IL1RAPL1: variants seen among roughly 807,000 people sequenced by gnomAD.
The protein encoded by IL1RAPL1 is interleukin-1 receptor accessory protein-like 1.
A neutral mutation model predicts 48.4 loss-of-function variants in IL1RAPL1; 3 were observed. The ratio of observed to expected loss-of-function variants is 0.06; its 90% confidence interval spans 0.03 to 0.16. IL1RAPL1 has a LOEUF of 0.16. Among genes scored for constraint, IL1RAPL1 ranks in the 10% least tolerant of loss-of-function variants. The pLI is 1.00. For missense variants in IL1RAPL1, 349 were observed against 530.6 expected (o/e 0.66, Z 3.36); for synonymous variants, 185 against 187.7 (o/e 0.99, Z 0.12).
intron 6 of IL1RAPL1, among the ~76,000 whole-genome samples, chrX:29,906,463 AT>A (rs1286932898): frequency 0.029 from 6 of 209 alleles, no homozygotes; most frequent in African/African-American, 0.13. Flanking sequence ...CTTTGTAAAT[AT>A]ATATATATAT....
intron 5 of IL1RAPL1, among the ~76,000 whole-genome samples, chrX:29,534,812 C>A (rs1054370597): frequency 1.8e-5 from 2 of 109,475 alleles, no homozygotes; most frequent in South Asian, 7.9e-4. Flanking sequence ...ACTAAAAATA[C>A]AAAAAAATTA....
At chrX:29,827,399 A>G (rs908800008) in intron 6 of IL1RAPL1, among the ~76,000 whole-genome samples, 1 of 112,567 alleles carries the variant, frequency 8.9e-6, no homozygotes, top group African/African-American at 3.2e-5. Context: ...AAATTTTTTA[A>G]CAACAGATAC....
intron 5 of IL1RAPL1, among the ~76,000 whole-genome samples, chrX:29,489,840 G>A (rs1008265567): frequency 9.0e-6 from 1 of 111,644 alleles, no homozygotes; most frequent in African/African-American, 3.3e-5. Flanking sequence ...TTAGGCCAAT[G>A]GTTTCTTATA....
At chrX:29,660,825 G>T (rs756830810) in intron 5 of IL1RAPL1, among the ~76,000 whole-genome samples, 2 of 111,863 alleles carry the variant, frequency 1.8e-5, no homozygotes, top group Non-Finnish European at 3.8e-5. Context: ...GCTCTATTTC[G>T]TTCCATATGA....
intron 2 of IL1RAPL1, among the ~76,000 whole-genome samples, chrX:28,874,158 T>C (rs1569190627): frequency 9.0e-6 from 1 of 111,418 alleles, no homozygotes; most frequent in East Asian, 2.8e-4. Flanking sequence ...CACGTAACAA[T>C]AAGTGGTTGA....
At position 29,740,397 on chromosome X, in the gene IL1RAPL1, C is replaced by T. The variant is rs770261446; in HGVS notation, c.778+71893C>T. ...TATCCAAGTGGATGTCCCACTACCCCTTCCAATTCAATTTGCCTAAAACCA... is the reference window on the plus strand; with the variant it reads ...TATCCAAGTGGATGTCCCACTACCCTTTCCAATTCAATTTGCCTAAAACCA... On this transcript the variant is annotated intron_variant, in intron 6 of 10. Transcript: ENST00000378993. Among the ~76,000 whole-genome samples the T allele has an allele frequency of 8.4e-4, 94 of 111,759 alleles. 1 individual carries two copies. Among genetic ancestry groups the T allele is most frequent in the Non-Finnish European group, 1.3e-3 (69 of 53,179 alleles).
intron 5 of IL1RAPL1, among the ~76,000 whole-genome samples, chrX:29,509,687 GCA>G (rs34490752): frequency 9.1e-6 from 1 of 109,481 alleles, no homozygotes; most frequent in East Asian, 2.8e-4. Context: ...GCGCCCACAC[GCA>G]CACACACACA....
At chrX:29,016,928 G>A (rs2147399074) in intron 2 of IL1RAPL1, among the ~76,000 whole-genome samples, 1 of 111,150 alleles carries the variant, frequency 9.0e-6, no homozygotes, top group East Asian at 2.8e-4. Context: ...TTTTCCTAGA[G>A]TAATATGTTC....
chrX:29,659,716 C>T (rs1925785422), intron 5 of IL1RAPL1, among the ~76,000 whole-genome samples: 1 of 111,650 alleles, frequency 9.0e-6, no homozygotes, highest in Non-Finnish European at 1.9e-5. Context: ...CCTCCGCCTT[C>T]CGGGTTCAAG....
intron 5 of IL1RAPL1, among the ~76,000 whole-genome samples, chrX:29,648,482 A>G (rs1277114647): frequency 8.9e-6 from 1 of 111,923 alleles, no homozygotes; most frequent in African/African-American, 3.2e-5. Context: ...AAATAACAGG[A>G]GGAACTTTGG....
At chrX:29,215,177 G>T (rs1930842920) in intron 2 of IL1RAPL1, among the ~76,000 whole-genome samples, 1 of 109,824 alleles carries the variant, frequency 9.1e-6, no homozygotes, top group African/African-American at 3.3e-5. Context: ...GCGAAACCCC[G>T]TCTCTACTAA....
At chrX:29,148,715 T>C (rs989158925) in intron 2 of IL1RAPL1, among the ~76,000 whole-genome samples, 1 of 111,604 alleles carries the variant, frequency 9.0e-6, no homozygotes, top group African/African-American at 3.3e-5. Context: ...ATCTTTGGAG[T>C]TATCAACCTC....
chrX:29,044,708 C>T (rs986114083), intron 2 of IL1RAPL1, among the ~76,000 whole-genome samples: 3 of 110,115 alleles, frequency 2.7e-5, no homozygotes, highest in Non-Finnish European at 5.7e-5. Flanking sequence ...GCTAGGTGGG[C>T]GGCATTTGGT....
chrX:29,333,677 C>T (rs1295630662), intron 3 of IL1RAPL1, among the ~76,000 whole-genome samples: 1 of 82,555 alleles, frequency 1.2e-5, no homozygotes, highest in Non-Finnish European at 2.4e-5. Context: ...CGCCCCTCAC[C>T]TCCCGGACTG....
At chrX:29,261,017 A>G (rs1300885979) in intron 2 of IL1RAPL1, among the ~76,000 whole-genome samples, 3 of 108,404 alleles carry the variant, frequency 2.8e-5, no homozygotes, top group Non-Finnish European at 5.7e-5. Context: ...TATAATAAAT[A>G]TAGTATAACT....
At chrX:28,979,763 G>A (rs1925285988) in intron 2 of IL1RAPL1, among the ~76,000 whole-genome samples, 1 of 112,012 alleles carries the variant, frequency 8.9e-6, no homozygotes, top group Admixed American at 9.5e-5. Context: ...TGTGATGGTT[G>A]TTTTTTGTTT....
At chrX:29,214,696 AAG>A (rs1160478496) in intron 2 of IL1RAPL1, among the ~76,000 whole-genome samples, 1 of 111,669 alleles carries the variant, frequency 9.0e-6, no homozygotes, top group Non-Finnish European at 1.9e-5. Context: ...AAGGAAGATA[AAG>A]AGAGAAAATC....
intron 1 of IL1RAPL1, among the ~76,000 whole-genome samples, chrX:28,723,516 C>G (rs1159332148): frequency 4.5e-5 from 5 of 111,362 alleles, no homozygotes; most frequent in Admixed American, 9.6e-5. Context: ...AGCAGTCTAT[C>G]AATTTTGTTG....
intron 2 of IL1RAPL1, among the ~76,000 whole-genome samples, chrX:29,101,909 C>T (rs1358794362): frequency 9.0e-6 from 1 of 111,344 alleles, no homozygotes; most frequent in Admixed American, 9.5e-5. Flanking sequence ...TGCACTCCAG[C>T]CTGGGCAACA....
Sources: gnomAD v4.1 joint callset for allele counts (sites outside exome capture counted in the v4.1 genomes callset) on GRCh38, gnomAD v4.1.1 for gene constraint, MANE v1.5 for transcripts, NCBI Gene and HGNC (gene_info 2026-07-23, HGNC 2026-07-21) for gene names.